The following KCNQ5 variants were observed in gnomAD, a reference collection of about 807,000 sequenced individuals.
KCNQ5 encodes potassium voltage-gated channel subfamily KQT member 5.
A neutral mutation model predicts 98.2 loss-of-function variants in KCNQ5; 30 were observed. The observed-to-expected ratio is 0.31, with a 90% CI of 0.23 to 0.41. The LOEUF (loss-of-function observed/expected upper bound fraction) is 0.41, where lower values mean the gene tolerates loss of function less well. Among genes scored for constraint, KCNQ5 ranks in the 10% least tolerant of loss-of-function variants. The probability of loss-of-function intolerance (pLI) is 1.00; values close to 1 mark genes in which losing one functional copy is unlikely to be tolerated. For missense variants in KCNQ5, 835 were observed against 1,182.5 expected, an observed-to-expected ratio of 0.71 and a Z score of 4.31; for synonymous variants, 458 against 449.4, an observed-to-expected ratio of 1.02 and a Z score of -0.24.
intron 4 of KCNQ5, 38 bp downstream of exon 4, chr6:73,077,535 G>A (rs1413614135): frequency 6.4e-7 from 1 of 1,568,918 alleles, no homozygotes; most frequent in Non-Finnish European, 8.6e-7. Flanking sequence ...CACAATTTTT[G>A]AAACTTTTTC....
At chr6:72,849,284 T>C (rs1267154411) in intron 1 of KCNQ5, among the ~76,000 whole-genome samples, 1 of 152,194 alleles carries the variant, frequency 6.6e-6, no homozygotes, top group Non-Finnish European at 1.5e-5. Context: ...TCACAATTTC[T>C]TTTCCTTTGG....
At chr6:72,654,336 G>T (rs1471976758) in intron 1 of KCNQ5, among the ~76,000 whole-genome samples, 3 of 152,000 alleles carry the variant, frequency 2.0e-5, no homozygotes, top group Non-Finnish European at 4.4e-5. Flanking sequence ...GTCATCTCAT[G>T]AATTGGACCA....
intron 1 of KCNQ5, among the ~76,000 whole-genome samples, chr6:72,902,896 A>C (rs1374941652): frequency 6.6e-6 from 1 of 152,058 alleles, no homozygotes; most frequent in East Asian, 1.9e-4. Context: ...CTTATGAAAT[A>C]GTGTCAACAG....
intron 1 of KCNQ5, among the ~76,000 whole-genome samples, chr6:72,790,926 G>T (rs1010105706): frequency 1.3e-5 from 2 of 152,044 alleles, no homozygotes; most frequent in Non-Finnish European, 1.5e-5. Context: ...GTTTTGTTTT[G>T]TTTGTTTTTA....
At chr6:72,703,078 C>A (rs943924992) in intron 1 of KCNQ5, among the ~76,000 whole-genome samples, 1 of 152,180 alleles carries the variant, frequency 6.6e-6, no homozygotes, top group Non-Finnish European at 1.5e-5. Flanking sequence ...ACTGCTAGAC[C>A]CCCGCAGTGG....
At chr6:72,773,529 C>A (rs1294223805) in intron 1 of KCNQ5, among the ~76,000 whole-genome samples, 1 of 152,096 alleles carries the variant, frequency 6.6e-6, no homozygotes, top group Non-Finnish European at 1.5e-5. Context: ...TGCAGCAAAC[C>A]ACCATGGCAT....
chr6:73,089,228 A>G (rs1459726963), intron 5 of KCNQ5, among the ~76,000 whole-genome samples: 1 of 152,216 alleles, frequency 6.6e-6, no homozygotes, highest in Non-Finnish European at 1.5e-5. Flanking sequence ...GGCAAACAAT[A>G]AACAATTTAA....
chr6:72,944,428 C>T (rs2150245235), intron 1 of KCNQ5, among the ~76,000 whole-genome samples: 1 of 152,260 alleles, frequency 6.6e-6, no homozygotes, highest in South Asian at 2.1e-4. Context: ...ACTTATTGAG[C>T]ACCTACTACA....
chr6:72,768,055 G>A (rs9342973), intron 1 of KCNQ5, among the ~76,000 whole-genome samples: 82,392 of 151,846 alleles, frequency 0.54, 22,730 homozygotes, highest in Middle Eastern at 0.62. Flanking sequence ...GTTCATAGAA[G>A]CATTGTTCAT....
chr6:73,092,542 A>G (rs1453470006), intron 5 of KCNQ5, among the ~76,000 whole-genome samples: 1 of 151,978 alleles, frequency 6.6e-6, no homozygotes, highest in South Asian at 2.1e-4. Flanking sequence ...TATTACTTTT[A>G]TTACATTGTT....
Position 72,757,199 on chromosome 6 carries a change from A to G in KCNQ5, c.398+134612A>G, listed in dbSNP as rs144269035. ...ATTAAGTTTTTCATATAGTGTGCTC[A>G]TATGTTAGACCTTTAAGAAATGTGA... On this transcript the variant is annotated intron_variant, in intron 1 of 13. Transcript: ENST00000370398. 9.1e-3 allele frequency among the ~76,000 whole-genome samples: 1,380 copies of G among 152,298 alleles called. 15 individuals are homozygous for G. The highest frequency in any genetic ancestry group is 0.034 in the Middle Eastern group (10 of 294).
chr6:73,093,874 T>C (rs1280032194), intron 5 of KCNQ5, among the ~76,000 whole-genome samples: 2 of 152,140 alleles, frequency 1.3e-5, no homozygotes, highest in African/African-American at 4.8e-5. Flanking sequence ...AGAATGTATA[T>C]TCTATGGTTG....
rs529661269 is a variant in KCNQ5 at position 72,963,802 on chromosome 6, AC to A, written c.399-40105del. On this transcript the variant is annotated intron_variant, in intron 1 of 13. Coordinates refer to ENST00000370398, the MANE Select transcript of KCNQ5 (RefSeq NM_019842.4). ...CTCAGCCTCCTGAGTAGCTGGGACCACAGGCGCACACCACCACATCTGGCTA... is the reference window on the plus strand; with the variant it reads ...CTCAGCCTCCTGAGTAGCTGGGACCAAGGCGCACACCACCACATCTGGCTA... 1.9e-4 allele frequency among the ~76,000 whole-genome samples: 29 copies of A among 152,260 alleles called. No individual in the cohort carries two copies. In the East Asian group the frequency reaches 5.6e-3, roughly 29 times the overall value.
chr6:73,134,609 G>T (rs1419866804), intron 10 of KCNQ5, among the ~76,000 whole-genome samples: 1 of 152,244 alleles, frequency 6.6e-6, no homozygotes, highest in African/African-American at 2.4e-5. Context: ...GGTCCTCAGG[G>T]ATATCTCTTC....
intron 10 of KCNQ5, among the ~76,000 whole-genome samples, chr6:73,141,424 G>C (rs982360551): frequency 2.0e-5 from 3 of 152,262 alleles, no homozygotes; most frequent in Middle Eastern, 3.4e-3. Flanking sequence ...TTTAGTGACG[G>C]GGAAATGCTT....
In KCNQ5 at chr6:72,682,239, A is replaced by G. The variant is rs558781131; in HGVS notation, c.398+59652A>G. On this transcript the variant is annotated intron_variant, in intron 1 of 13. Coordinates refer to ENST00000370398, the MANE Select transcript of KCNQ5 (RefSeq NM_019842.4). ...ACAAAAAACGCTCTATATTGTTTTT[A>G]GGAACAAAATGCTTGCTCTAGTTCT... Among the ~76,000 whole-genome samples, 10 of 152,326 alleles carry G rather than the reference A, an allele frequency of 6.6e-5. No individual in the cohort carries two copies. The South Asian group carries it at 2.1e-3, about 32-fold the overall frequency.
intron 5 of KCNQ5, among the ~76,000 whole-genome samples, chr6:73,083,173 C>A (rs1019567295): frequency 6.6e-6 from 1 of 152,140 alleles, no homozygotes; most frequent in Admixed American, 6.5e-5. Flanking sequence ...GGATTACAGG[C>A]GTGAGCCACT....
At chr6:72,632,405 T>C (rs1485158155) in intron 1 of KCNQ5, among the ~76,000 whole-genome samples, 1 of 152,150 alleles carries the variant, frequency 6.6e-6, no homozygotes, top group Non-Finnish European at 1.5e-5. Context: ...CCTCCCAAAG[T>C]GCTGGGATTA....
At chr6:73,112,186 C>T (rs1208404239) in intron 7 of KCNQ5, among the ~76,000 whole-genome samples, 1 of 152,024 alleles carries the variant, frequency 6.6e-6, no homozygotes, top group African/African-American at 2.4e-5. Flanking sequence ...ATTCTACAAT[C>T]TAAAGTTTCT....
Sources: gnomAD v4.1 joint callset for allele counts (sites outside exome capture counted in the v4.1 genomes callset) on GRCh38, gnomAD v4.1.1 for gene constraint, MANE v1.5 for transcripts, NCBI Gene and HGNC (gene_info 2026-07-23, HGNC 2026-07-21) for gene names.